Variants in EFCAB8 observed in about 807,000 individuals in gnomAD.
The protein encoded by EFCAB8 is EF-hand calcium binding domain 8.
EFCAB8 carries 100 observed loss-of-function variants against 116.3 expected under a neutral mutation model. That is an observed-to-expected ratio of 0.86 (90% CI 0.73 to 1.02). The LOEUF (loss-of-function observed/expected upper bound fraction) is 1.02. Among genes scored for constraint, EFCAB8 ranks in the 50% least tolerant of loss-of-function variants. The pLI, the probability that EFCAB8 is intolerant of heterozygous loss-of-function variation, is 0.00. For synonymous variants in EFCAB8, 558 were observed against 567.9 expected (o/e 0.98, Z 0.25); for missense variants, 1,320 against 1,416.9 (o/e 0.93, Z 1.10).
intron 22 of EFCAB8, among the ~76,000 whole-genome samples, chr20:32,932,398 CTACACT>C (rs1350068450): frequency 3.9e-5 from 6 of 152,056 alleles, no homozygotes; most frequent in African/African-American, 1.4e-4. Flanking sequence ...TTATTCAGTA[CTACACT>C]TATATACGAT....
At chr20:32,932,250 G>A (rs1404076090) in intron 22 of EFCAB8, among the ~76,000 whole-genome samples, 2 of 152,128 alleles carry the variant, frequency 1.3e-5, no homozygotes, top group African/African-American at 2.4e-5. Context: ...GGCGGTGCAC[G>A]CCTGTAATCC....
chr20:32,913,395 T>C (rs748798005), intron 17 of EFCAB8, among the ~76,000 whole-genome samples: 4 of 152,292 alleles, frequency 2.6e-5, no homozygotes, highest in East Asian at 1.9e-4. Context: ...GGCTCCATTT[T>C]TGTGACCTCA....
rs534012789 is a variant in EFCAB8, at chr20:32,894,900, A to G, written c.884-1554A>G. 2.0e-5 allele frequency among the ~76,000 whole-genome samples: 3 copies of G among 152,252 alleles called. No individual in the cohort carries two copies. In the South Asian group the frequency reaches 6.2e-4, roughly 31 times the overall value. ...CTTCTGCCTGTGCCTGTGCACAACCAGCCCCACTCTGGCAGTCTTGGGCAA... is the reference window on the plus strand; with the variant it reads ...CTTCTGCCTGTGCCTGTGCACAACCGGCCCCACTCTGGCAGTCTTGGGCAA... On this transcript the variant is annotated intron_variant, in intron 9 of 26. Transcript: ENST00000400522.
chr20:32,909,093 C>T (rs1455652235), intron 14 of EFCAB8, among the ~76,000 whole-genome samples: 1 of 152,178 alleles, frequency 6.6e-6, no homozygotes, highest in Non-Finnish European at 1.5e-5. Flanking sequence ...ATGCGGGGGC[C>T]GCTCGTGCTT....
rs533638109 is a variant in EFCAB8, at chr20:32,950,515, C to T, written c.2959+6711C>T. On this transcript the variant is annotated intron_variant, in intron 23 of 26. Transcript: ENST00000400522. ...GGCTGAGTTAGGTTAGAGCCACACT[C>T]TCTTACAGACTAAGAGTTTTTAAGG... is the stretch of plus-strand genomic sequence containing the variant. Among the ~76,000 whole-genome samples, 274 of 152,274 alleles carry T rather than the reference C, an allele frequency of 1.8e-3. 1 individual carries two copies. Among genetic ancestry groups the T allele is most frequent in the African/African-American group, 6.4e-3 (267 of 41,546 alleles).
At chr20:32,951,256 G>T (rs776456125) in intron 23 of EFCAB8, among the ~76,000 whole-genome samples, 11 of 152,130 alleles carry the variant, frequency 7.2e-5, no homozygotes, top group Non-Finnish European at 1.5e-4. Flanking sequence ...ATTTTTTTGT[G>T]ACAGCCTCAA....
intron 4 of EFCAB8, among the ~76,000 whole-genome samples, chr20:32,876,680 A>G (rs765317176): frequency 3.3e-5 from 5 of 152,054 alleles, no homozygotes; most frequent in African/African-American, 7.2e-5. Context: ...ACTTACCTCT[A>G]TTTCGGCCGG....
At position 32,961,432 on chromosome 20, in the gene EFCAB8, G is replaced by A; in HGVS notation, c.3690G>A (p.Arg1230=). ...CGCCCCAGTTCTCCTTCTTGCTGCG[G>A]CCCCAGTCAGCCTCCACAGCCCATT... ...FLTPQFSFLL[R]PQSASTAHST... The change falls in exon 27 of 27, where the codon CGG becomes CGA. Residue 1230 remains arginine, a synonymous_variant. Transcript: ENST00000400522. 6.9e-7 allele frequency: 1 copy of A among 1,456,914 alleles called. No individual in the cohort carries two copies. Among genetic ancestry groups the A allele is most frequent in the Non-Finnish European group, 9.1e-7 (1 of 1,102,736 alleles). The allele number at this position is 1,456,914 out of a possible 1,614,324, so 90.2% of individuals were successfully genotyped here. A position where few individuals can be genotyped will look rare whatever the true frequency, so the allele number is the denominator to read the frequency against.
intron 11 of EFCAB8, among the ~76,000 whole-genome samples, chr20:32,901,186 A>G (rs890053668): frequency 5.9e-5 from 9 of 152,212 alleles, no homozygotes; most frequent in African/African-American, 1.7e-4. Context: ...TGCTGAGGCT[A>G]TCTGTCTGCA....
chr20:32,912,449 G>A (rs59621948), intron 16 of EFCAB8, among the ~76,000 whole-genome samples: 27,582 of 79,098 alleles, frequency 0.35, 4,566 homozygotes, highest in African/African-American at 0.55. Flanking sequence ...AAAAAAAGAA[G>A]AAGAAGAAAG....
intron 22 of EFCAB8, among the ~76,000 whole-genome samples, chr20:32,937,653 C>T (rs1294351988): frequency 2.6e-5 from 4 of 152,084 alleles, no homozygotes; most frequent in African/African-American, 9.7e-5. Flanking sequence ...GAGTCTCACT[C>T]TATTGCCCAG....
intron 10 of EFCAB8, among the ~76,000 whole-genome samples, chr20:32,897,439 C>CTT (rs10693739): frequency 0.011 from 1,431 of 136,186 alleles, 26 homozygotes; most frequent in African/African-American, 0.036. Flanking sequence ...CCTGCACTGA[C>CTT]TTTTTTTTTT....
chr20:32,887,849 T>C (rs1243971353), intron 6 of EFCAB8, among the ~76,000 whole-genome samples: 1 of 152,226 alleles, frequency 6.6e-6, no homozygotes, highest in African/African-American at 2.4e-5. Context: ...ATTATTCCAT[T>C]CATTCCTCGC....
At chr20:32,898,337 T>C (rs1009092156) in intron 10 of EFCAB8, 156 bp from the exon 11 acceptor site, 4 of 575,960 alleles carry the variant, frequency 6.9e-6, no homozygotes, top group African/African-American at 3.7e-5. Context: ...TGGGCTAGGA[T>C]TGCGGGGCCA....
intron 11 of EFCAB8, among the ~76,000 whole-genome samples, chr20:32,902,003 T>G (rs530374655): frequency 6.6e-6 from 1 of 152,328 alleles, no homozygotes; most frequent in East Asian, 1.9e-4. Context: ...TTAAATTAAT[T>G]AATTTTAAAT....
At chr20:32,883,498 T>C (rs1015802420) in intron 5 of EFCAB8, among the ~76,000 whole-genome samples, 1 of 152,176 alleles carries the variant, frequency 6.6e-6, no homozygotes, top group Non-Finnish European at 1.5e-5. Flanking sequence ...CCAGTTCATA[T>C]AGCTTGAATG....
chr20:32,916,905 G>A (rs901995888), intron 17 of EFCAB8, among the ~76,000 whole-genome samples: 1 of 151,950 alleles, frequency 6.6e-6, no homozygotes, highest in African/African-American at 2.4e-5. Context: ...TGAGAAGGAA[G>A]GGTCTCTGTG....
intron 23 of EFCAB8, among the ~76,000 whole-genome samples, chr20:32,948,254 G>C (rs1988668924): frequency 6.6e-6 from 1 of 151,996 alleles, no homozygotes. Context: ...CTCCTTGAAA[G>C]AAACAAACTA....
At chr20:32,961,037 G>A in intron 26 of EFCAB8, 99 bp from the exon 27 acceptor site, 2 of 1,032,782 alleles carry the variant, frequency 1.9e-6, no homozygotes, top group Non-Finnish European at 2.9e-6. Context: ...GGCATGGGAA[G>A]ACCTCAGGGC....
Sources: allele counts gnomAD v4.1 joint callset (sites outside exome capture counted in the v4.1 genomes callset), GRCh38; gene constraint gnomAD v4.1.1; transcripts MANE v1.5; gene names NCBI Gene and HGNC (gene_info 2026-07-23, HGNC 2026-07-21).